MARCHF1: variants seen among roughly 807,000 people sequenced by gnomAD.
The protein encoded by MARCHF1 is E3 ubiquitin-protein ligase MARCHF1.
In MARCHF1, 40 loss-of-function variants were observed where a neutral mutation model predicts 54.2. The observed-to-expected ratio is 0.74, with a 90% CI of 0.57 to 0.96. The LOEUF is 0.96. Among genes scored for constraint, MARCHF1 ranks in the 40% least tolerant of loss-of-function variants. The pLI, the probability that MARCHF1 is intolerant of heterozygous loss-of-function variation, is 0.00. For missense variants in MARCHF1, 586 were observed against 656.5 expected (o/e 0.89, Z 1.17); for synonymous variants, 236 against 236.3 (o/e 1.00, Z 0.01).
intron 1 of MARCHF1, among the ~76,000 whole-genome samples, chr4:164,230,905 C>A (rs1490513894): frequency 6.6e-6 from 1 of 152,130 alleles, no homozygotes; most frequent in African/African-American, 2.4e-5. Flanking sequence ...ATTGAAATTT[C>A]ATAATCCCCA....
intron 3 of MARCHF1, among the ~76,000 whole-genome samples, chr4:163,958,267 G>A (rs1183732159): frequency 7.3e-6 from 1 of 137,372 alleles, no homozygotes; most frequent in Admixed American, 7.2e-5. Context: ...GTGTGTGTGT[G>A]TGTGTTTGGT....
intron 5 of MARCHF1, among the ~76,000 whole-genome samples, chr4:163,620,596 CACACACACACAGAGAGAGAG>C (rs1305120549): frequency 1.0e-3 from 93 of 89,100 alleles, no homozygotes; most frequent in African/African-American, 4.3e-3. Context: ...CACACACACA[CACACACACACAGAGAGAGAG>C]AGAGAGAGAG....
chr4:163,873,066 CAA>C (rs914185405), intron 3 of MARCHF1, among the ~76,000 whole-genome samples: 2 of 132,622 alleles, frequency 1.5e-5, no homozygotes, highest in African/African-American at 5.5e-5. Context: ...AACAAACAAA[CAA>C]AAAAAAACAA....
chr4:163,854,346 G>A (rs942208129), intron 3 of MARCHF1, among the ~76,000 whole-genome samples, 177 bp from the exon 4 acceptor site: 2 of 152,074 alleles, frequency 1.3e-5, no homozygotes, highest in African/African-American at 4.8e-5. Flanking sequence ...ATATCCTAGA[G>A]TCACAGGACA....
In MARCHF1 at chr4:163,568,804, G is replaced by T. The variant is rs1437703182; in HGVS notation, c.1191+16945C>A. On this transcript the variant is annotated intron_variant, in intron 8 of 9. Transcript: ENST00000514618. Reference sequence around the variant, plus strand: ...GCTGTCACAGGGAGCAGTGGTCCAAGGAGGACCAGAGGCTCCTAGACATAT... The same window carrying T: ...GCTGTCACAGGGAGCAGTGGTCCAATGAGGACCAGAGGCTCCTAGACATAT... 3.3e-5 allele frequency among the ~76,000 whole-genome samples: 5 copies of T among 152,218 alleles called. No individual in the cohort carries two copies. The East Asian group carries it at 9.7e-4, about 30-fold the overall frequency.
chr4:164,337,331 A>T (rs989552687), intron 1 of MARCHF1, among the ~76,000 whole-genome samples: 5 of 152,196 alleles, frequency 3.3e-5, no homozygotes, highest in Non-Finnish European at 7.3e-5. Context: ...AAGCTAAAAA[A>T]TAATTCATTT....
rs1007343521 is a variant in MARCHF1 at position 163,527,465 on chromosome 4, TGTAA to T, written c.*1279_*1282del. ...AAAATAGGTAATTTTATTCCCCTATTGTAAGTACTTCATAGTAACAATTTATTTA... is the reference window on the plus strand; with the variant it reads ...AAAATAGGTAATTTTATTCCCCTATTGTACTTCATAGTAACAATTTATTTA... On this transcript the variant is annotated 3_prime_UTR_variant, in exon 10 of 10. Transcript: ENST00000514618. The T allele has an allele frequency of 6.6e-6, 1 of 152,060 alleles. No homozygotes were observed. The highest frequency in any genetic ancestry group is 1.5e-5 in the Non-Finnish European group (1 of 67,964). 9.4% of individuals were successfully genotyped at this position (152,060 alleles called of 1,614,324 possible). A position where few individuals can be genotyped will look rare whatever the true frequency, so the allele number is the denominator to read the frequency against.
chr4:164,158,809 A>T (rs956537976), intron 1 of MARCHF1, among the ~76,000 whole-genome samples: 1 of 152,068 alleles, frequency 6.6e-6, no homozygotes, highest in South Asian at 2.1e-4. Context: ...CTCCGCCAAA[A>T]ATGTACTTTT....
intron 8 of MARCHF1, among the ~76,000 whole-genome samples, chr4:163,570,294 A>G (rs1290719978): frequency 6.6e-6 from 1 of 152,104 alleles, no homozygotes; most frequent in Non-Finnish European, 1.5e-5. Flanking sequence ...AAAACAGTGA[A>G]TCTGCTACAG....
intron 8 of MARCHF1, among the ~76,000 whole-genome samples, chr4:163,564,618 A>C (rs1029301435): frequency 2.6e-5 from 4 of 152,218 alleles, no homozygotes; most frequent in African/African-American, 7.2e-5. Context: ...ACTATCTGAA[A>C]ACCTAGATCA....
rs79586447 is a variant in MARCHF1, at chr4:163,984,709, C to T, written c.-39+3792G>A. On this transcript the variant is annotated intron_variant, in intron 3 of 9. Coordinates refer to ENST00000514618, the MANE Select transcript of MARCHF1 (RefSeq NM_001394959.1). ...AGAATGTGATTAATAAAATTCACTG[C>T]CCTTGTAAGAGACAGATGTCTTTTA... Among the ~76,000 whole-genome samples the T allele has an allele frequency of 9.5e-3, 1,448 of 152,196 alleles. 10 individuals carry two copies. The highest frequency in any genetic ancestry group is 0.016 in the Non-Finnish European group (1,062 of 68,002).
chr4:163,645,453 T>C (rs796128796), intron 5 of MARCHF1, among the ~76,000 whole-genome samples: 1 of 152,202 alleles, frequency 6.6e-6, no homozygotes, highest in Non-Finnish European at 1.5e-5. Context: ...AACGAGTCTA[T>C]GGATAACGAA....
intron 3 of MARCHF1, among the ~76,000 whole-genome samples, chr4:163,911,127 G>A (rs528067850): frequency 6.6e-6 from 1 of 152,178 alleles, no homozygotes; most frequent in Admixed American, 6.5e-5. Flanking sequence ...GGTTTGTTAT[G>A]TGTATTGCAT....
At chr4:164,063,763 T>C (rs1754669750) in intron 2 of MARCHF1, among the ~76,000 whole-genome samples, 4 of 152,226 alleles carry the variant, frequency 2.6e-5, no homozygotes, top group Admixed American at 2.6e-4. Context: ...ACGAGTATAG[T>C]CAGATAAACT....
At chr4:164,044,773 A>G (rs548764564) in intron 2 of MARCHF1, among the ~76,000 whole-genome samples, 6 of 152,090 alleles carry the variant, frequency 3.9e-5, no homozygotes, top group Non-Finnish European at 7.4e-5. Flanking sequence ...TAGTCTATAC[A>G]TACTATAGAT....
Position 164,012,383 on chromosome 4 carries a change from C to T in MARCHF1, c.-247-23674G>A, listed in dbSNP as rs114280949. Among the ~76,000 whole-genome samples the T allele has an allele frequency of 2.4e-3, 369 of 152,204 alleles. 4 individuals carry two copies. The highest frequency in any genetic ancestry group is 8.5e-3 in the African/African-American group (354 of 41,534). On this transcript the variant is annotated intron_variant, in intron 2 of 9. Transcript: ENST00000514618. ...GTAAAATGAAGCATCAGGAAGATTC[C>T]TGAAACCCCAGATTCCAGGTCTTTG...
intron 2 of MARCHF1, among the ~76,000 whole-genome samples, chr4:164,089,411 G>A (rs114572382): frequency 3.3e-5 from 5 of 152,028 alleles, no homozygotes; most frequent in East Asian, 1.9e-4. Flanking sequence ...TTACTAGATC[G>A]CATGTTCAGT....
Position 163,897,992 on chromosome 4 carries a change from C to T in MARCHF1, c.-38-43823G>A, listed in dbSNP as rs188080706. Among the ~76,000 whole-genome samples, 17 of 130,512 alleles carry T rather than the reference C, an allele frequency of 1.3e-4. No homozygotes were observed. In the South Asian group the frequency reaches 2.6e-3, roughly 20 times the overall value. 85.6% of individuals were successfully genotyped at this position (130,512 alleles called of 152,430 possible). ...GGGAGAATGGCACGAACCCGGGAGGCGGAGCTTGCAGTGAGCCAAGATCGC... is the reference window on the plus strand; with the variant it reads ...GGGAGAATGGCACGAACCCGGGAGGTGGAGCTTGCAGTGAGCCAAGATCGC... On this transcript the variant is annotated intron_variant, in intron 3 of 9. Transcript: ENST00000514618.
intron 5 of MARCHF1, among the ~76,000 whole-genome samples, chr4:163,683,828 T>C (rs1744183352): frequency 6.6e-6 from 1 of 152,138 alleles, no homozygotes; most frequent in South Asian, 2.1e-4. Context: ...AGATAATCCT[T>C]GGGGCTCTGC....
Sources: gnomAD v4.1 joint callset for allele counts (sites outside exome capture counted in the v4.1 genomes callset) on GRCh38, gnomAD v4.1.1 for gene constraint, MANE v1.5 for transcripts, NCBI Gene and HGNC (gene_info 2026-07-23, HGNC 2026-07-21) for gene names.